The following PCDH15 variants were observed in gnomAD, a reference collection of about 807,000 sequenced individuals.
PCDH15 encodes protocadherin related 15.
In PCDH15, 129 loss-of-function variants were observed where a neutral mutation model predicts 178.5. That is an observed-to-expected ratio of 0.72 (90% CI 0.63 to 0.84). PCDH15 has a LOEUF of 0.84. Ranked by LOEUF, PCDH15 falls within the 40% of genes least tolerant of loss-of-function variation. The probability of loss-of-function intolerance (pLI) is 0.00; values close to 1 mark genes in which losing one functional copy is unlikely to be tolerated. For missense variants in PCDH15, 2,230 were observed against 2,099.9 expected (o/e 1.06, Z -1.21); for synonymous variants, 800 against 732.0 (o/e 1.09, Z -1.50).
chr10:54,219,349 G>C (rs1178038615), intron 9 of PCDH15, among the ~76,000 whole-genome samples: 1 of 150,182 alleles, frequency 6.7e-6, no homozygotes, highest in African/African-American at 2.5e-5. Context: ...TCAGCACTCT[G>C]GGAGGCCGAG....
At chr10:55,151,343 C>G (rs1336991450) in intron 2 of PCDH15, among the ~76,000 whole-genome samples, 2 of 151,900 alleles carry the variant, frequency 1.3e-5, no homozygotes, top group Non-Finnish European at 2.9e-5. Context: ...TATGCATCCT[C>G]AAAATTAAAA....
At chr10:55,593,948 T>C (rs1002940682) in intron 2 of PCDH15, among the ~76,000 whole-genome samples, 1 of 151,876 alleles carries the variant, frequency 6.6e-6, no homozygotes, top group African/African-American at 2.4e-5. Context: ...TATTTAGTAT[T>C]AATTGAAGGA....
At chr10:53,823,899 T>C in intron 32 of PCDH15, 1 of 401,226 alleles carries the variant, frequency 2.5e-6, no homozygotes, top group South Asian at 1.8e-5. Flanking sequence ...AGATGGGAGT[T>C]TGTCTCACAG....
intron 8 of PCDH15, among the ~76,000 whole-genome samples, chr10:54,310,465 G>T (rs531482638): frequency 7.4e-4 from 112 of 152,124 alleles, no homozygotes; most frequent in African/African-American, 2.6e-3. Context: ...GAGATTGATT[G>T]AGTTTGGAAC....
intron 13 of PCDH15, among the ~76,000 whole-genome samples, chr10:54,163,424 AGAG>A (rs2045911895): frequency 6.7e-6 from 1 of 148,512 alleles, no homozygotes; most frequent in African/African-American, 2.5e-5. Context: ...AGAGAGAGCG[AGAG>A]GAGAAGTGCC....
chr10:54,786,099 A>G (rs984692548), intron 1 of PCDH15, among the ~76,000 whole-genome samples: 3 of 151,994 alleles, frequency 2.0e-5, no homozygotes, highest in Non-Finnish European at 4.4e-5. Context: ...GATTGGTGCA[A>G]TTACTGAAAG....
chr10:54,144,371 C>T (rs10763074), intron 14 of PCDH15, among the ~76,000 whole-genome samples: 96,860 of 151,924 alleles, frequency 0.64, 32,368 homozygotes, highest in East Asian at 0.9. Context: ...GAATTGTTTT[C>T]TGTTTTATGT....
chr10:53,949,160 T>C (rs2086808050), intron 23 of PCDH15, among the ~76,000 whole-genome samples: 2 of 152,336 alleles, frequency 1.3e-5, no homozygotes, highest in Admixed American at 6.5e-5. Flanking sequence ...TTAAATTCCA[T>C]GTAGGTGCAC....
chr10:54,407,908 T>C (rs2135570612), intron 3 of PCDH15, among the ~76,000 whole-genome samples: 1 of 151,462 alleles, frequency 6.6e-6, no homozygotes, highest in Non-Finnish European at 1.5e-5. Flanking sequence ...ATATACAAAT[T>C]AGTCGGGGTG....
chr10:55,591,786 A>G (rs1842846722), intron 2 of PCDH15, among the ~76,000 whole-genome samples: 1 of 152,138 alleles, frequency 6.6e-6, no homozygotes, highest in Admixed American at 6.6e-5. Flanking sequence ...CACATAATAC[A>G]TAACAAAAAA....
intron 3 of PCDH15, among the ~76,000 whole-genome samples, chr10:54,879,584 C>A (rs1409615422): frequency 6.6e-6 from 1 of 151,590 alleles, no homozygotes; most frequent in Non-Finnish European, 1.5e-5. Flanking sequence ...AGTAGAGAAG[C>A]AGGCATTCTT....
intron 3 of PCDH15, among the ~76,000 whole-genome samples, chr10:54,501,837 G>A (rs896213237): frequency 7.9e-5 from 12 of 151,806 alleles, no homozygotes; most frequent in Non-Finnish European, 1.5e-4. Flanking sequence ...TCTATGGCTT[G>A]GTTTTTAATG....
At chr10:54,513,327 C>A (rs1017072801) in intron 3 of PCDH15, among the ~76,000 whole-genome samples, 1 of 151,612 alleles carries the variant, frequency 6.6e-6, no homozygotes, top group African/African-American at 2.4e-5. Flanking sequence ...GTGGTGCAAT[C>A]TCGGCTCACT....
rs754304210 is a variant in PCDH15 at position 55,033,431 on chromosome 10, A to G, written c.-80+133145T>C. Among the ~76,000 whole-genome samples the G allele has an allele frequency of 4.2e-4, 64 of 152,080 alleles. 1 individual carries two copies. The highest frequency in any genetic ancestry group is 2.6e-4 in the Non-Finnish European group (18 of 68,014). On this transcript the variant is annotated intron_variant, in intron 2 of 5. Transcript: ENST00000458638. ...AGTGTGTCCAGGAAGTGGGCCATGG[A>G]GTCAAAGATTGTTCACATGTGGTTT...
At chr10:55,301,318 G>T (rs893133201) in intron 1 of PCDH15, among the ~76,000 whole-genome samples, 1 of 152,116 alleles carries the variant, frequency 6.6e-6, no homozygotes, top group African/African-American at 2.4e-5. Flanking sequence ...GTGAAGCGAT[G>T]CCTCCTTATG....
chr10:55,070,300 A>T (rs1288383826), intron 2 of PCDH15, among the ~76,000 whole-genome samples: 1 of 152,110 alleles, frequency 6.6e-6, no homozygotes, highest in African/African-American at 2.4e-5. Context: ...CCATTTGTCA[A>T]TTTTGGCTTT....
chr10:55,229,445 A>G (rs1014997608), intron 1 of PCDH15, among the ~76,000 whole-genome samples: 1 of 151,936 alleles, frequency 6.6e-6, no homozygotes. Context: ...AAGTAAATAC[A>G]CTAAAAGAAA....
intron 3 of PCDH15, among the ~76,000 whole-genome samples, chr10:54,871,321 A>G (rs1451584524): frequency 6.6e-6 from 1 of 152,060 alleles, no homozygotes; most frequent in Non-Finnish European, 1.5e-5. Context: ...ATATTTGTAT[A>G]TATATGAGAC....
chr10:54,139,301 T>TAA (rs147978777), intron 14 of PCDH15, among the ~76,000 whole-genome samples: 4 of 148,820 alleles, frequency 2.7e-5, no homozygotes, highest in Non-Finnish European at 3.0e-5. Flanking sequence ...CATCAGCTAT[T>TAA]AAAAAAAAAA....
Sources: gnomAD v4.1 joint callset for allele counts (sites outside exome capture counted in the v4.1 genomes callset) on GRCh38, gnomAD v4.1.1 for gene constraint, MANE v1.5 for transcripts, NCBI Gene and HGNC (gene_info 2026-07-23, HGNC 2026-07-21) for gene names.